Variants in MAPT observed in about 807,000 individuals in gnomAD.
MAPT encodes the protein microtubule-associated protein tau.
In MAPT, 34 loss-of-function variants were observed where a neutral mutation model predicts 67.9. The observed-to-expected ratio is 0.50, with a 90% CI of 0.38 to 0.67. MAPT has a LOEUF of 0.67. Ranked by LOEUF, MAPT falls within the 30% of genes least tolerant of loss-of-function variation. The pLI is 0.00. For missense variants in MAPT, 881 were observed against 1,115.2 expected (o/e 0.79, Z 2.99); for synonymous variants, 456 against 464.5 (o/e 0.98, Z 0.23).
rs372837174 is a variant in MAPT, at chr17:45,995,057, A to AC, written c.1733-1340dup. Among the ~76,000 whole-genome samples, 3 of 151,930 alleles carry AC rather than the reference A, an allele frequency of 2.0e-5. No individual in the cohort carries two copies. Among genetic ancestry groups the AC allele is most frequent in the African/African-American group, 4.8e-5 (2 of 41,366 alleles). On this transcript the variant is annotated intron_variant, in intron 8 of 12. Coordinates refer to ENST00000262410, the MANE Select transcript of MAPT (RefSeq NM_001377265.1). The surrounding 1 kb of genome is among the most constrained non-coding windows in gnomAD (Gnocchi z 4.3). Reference sequence around the variant, plus strand: ...AATAAGACTCCGTCTCAAAAAAAAAACCACAAAAAAACAAAACAACAACAA... The same window carrying AC: ...AATAAGACTCCGTCTCAAAAAAAAAACCCACAAAAAAACAAAACAACAACAA...
In MAPT at chr17:45,996,481, G is replaced by C; in HGVS notation, c.1815G>C (p.Pro605=). Residue 605 remains proline, a synonymous_variant, in exon 9 of 13, where the codon CCG becomes CCC. Transcript: ENST00000262410. The surrounding 1 kb of genome is among the most constrained non-coding windows in gnomAD (Gnocchi z 4.5). ...CTCCCGGCAGCCGCTCCCGCACCCC[G>C]TCCCTTCCAACCCCACCCACCCGGG... ...PGTPGSRSRT[P]SLPTPPTREP... 6.2e-7 allele frequency: 1 copy of C among 1,613,150 alleles called. No homozygotes were observed. The highest frequency in any genetic ancestry group is 8.5e-7 in the Non-Finnish European group (1 of 1,179,852).
chr17:45,984,746 C>T (rs2073370458), intron 5 of MAPT, among the ~76,000 whole-genome samples: 2 of 152,186 alleles, frequency 1.3e-5, no homozygotes. Flanking sequence ...CCCTCAGGAG[C>T]ACGACCACAG....
rs781152635 is a variant in MAPT at position 45,996,430 on chromosome 17, C to G, written c.1764C>G (p.Gly588=). 25 of 1,612,912 alleles carry G rather than the reference C, an allele frequency of 1.5e-5. No individual in the cohort carries two copies. Among genetic ancestry groups the G allele is most frequent in the Non-Finnish European group, 2.1e-5 (25 of 1,179,988 alleles). Residue 588 remains glycine, a synonymous_variant, in exon 9 of 13, where the codon GGC becomes GGG. Coordinates refer to ENST00000262410, the MANE Select transcript of MAPT (RefSeq NM_001377265.1). This position sits in a 1 kb window ranked among gnomAD's most constrained non-coding sequence, Gnocchi z 4.5. ...GEPPKSGDRS[G]YSSPGSPGTP... ...CTCCAAAATCAGGGGATCGCAGCGG[C>G]TACAGCAGCCCCGGCTCCCCAGGCA...
rs546210564 is a variant in MAPT, at chr17:45,927,772, G to C, written c.-18+33086G>C. 2.0e-5 allele frequency among the ~76,000 whole-genome samples: 3 copies of C among 152,092 alleles called. No individual in the cohort carries two copies. The South Asian group carries it at 6.2e-4, about 32-fold the overall frequency. On this transcript the variant is annotated intron_variant, in intron 1 of 12. Coordinates refer to ENST00000262410, the MANE Select transcript of MAPT (RefSeq NM_001377265.1). ...TTCCAGCACTTTGGGAGGCCAAGGT[G>C]GGTGGATCACAAGGTCAGGAGATCG...
At chr17:46,018,588 C>A in intron 11 of MAPT, 30 bp from the exon 12 acceptor site, 1 of 1,459,900 alleles carries the variant, frequency 6.8e-7, no homozygotes, top group Non-Finnish European at 9.6e-7. Context: ...AAGATGATGG[C>A]AAGATGCTCT....
Position 46,018,637 on chromosome 17 carries a change from A to G in MAPT, c.2193A>G (p.Val731=). The G allele has an allele frequency of 3.7e-6, 6 of 1,613,968 alleles. No homozygotes were observed. In the South Asian group the frequency reaches 6.6e-5, roughly 18 times the overall value. The change falls in exon 12 of 13, where the codon GTA becomes GTG. Residue 731 remains valine, a synonymous_variant. Transcript: ENST00000262410. ...TTCTAGGAGGTGGCCAGGTGGAAGT[A>G]AAATCTGAGAAGCTTGACTTCAAGG... ...HHKPGGGQVE[V]KSEKLDFKDR...
chr17:46,010,246 C>T lies in MAPT; in HGVS notation c.1999-64C>T. The T allele has an allele frequency of 8.8e-7, 1 of 1,133,732 alleles. No individual in the cohort carries two copies. Among genetic ancestry groups the T allele is most frequent in the Non-Finnish European group, 1.3e-6 (1 of 766,944 alleles). The allele number at this position is 1,133,732 out of a possible 1,614,324, so 70.2% of individuals were successfully genotyped here. ...TGTCACTCATCGAAAGTGGAGGCGT[C>T]CTTGCGAGCAAGCAGGCGGGTCCAG... On this transcript the variant is annotated intron_variant, in intron 9 of 12. Transcript: ENST00000262410. This position sits in a 1 kb window ranked among gnomAD's most constrained non-coding sequence, Gnocchi z 4.7.
At chr17:45,933,389 G>C (rs1016763520) in intron 1 of MAPT, among the ~76,000 whole-genome samples, 2 of 151,528 alleles carry the variant, frequency 1.3e-5, no homozygotes, top group African/African-American at 4.8e-5. Flanking sequence ...GGATTACAGG[G>C]CACCACACCA....
chr17:45,899,111 G>A (rs1359534214), intron 1 of MAPT, among the ~76,000 whole-genome samples: 1 of 152,176 alleles, frequency 6.6e-6, no homozygotes, highest in Non-Finnish European at 1.5e-5. Flanking sequence ...AGGGAGAGGA[G>A]TCCTCATGTT....
intron 8 of MAPT, chr17:45,993,949 AC>A (rs2074270490): frequency 1.3e-6 from 2 of 1,574,204 alleles, no homozygotes; most frequent in African/African-American, 1.4e-5. Flanking sequence ...AGAGAAGACC[AC>A]CCCCTGCAGG....
At chr17:45,904,592 C>T (rs112275277) in intron 1 of MAPT, among the ~76,000 whole-genome samples, 21,623 of 149,176 alleles carry the variant, frequency 0.14, 2,101 homozygotes, top group Non-Finnish European at 0.22. Context: ...CTTGGGAGGC[C>T]GAAGCAGGAG....
At chr17:45,978,470 T>C in intron 4 of MAPT, 30 bp downstream of exon 4, 1 of 1,572,916 alleles carries the variant, frequency 6.4e-7, no homozygotes, top group African/African-American at 1.3e-5. Flanking sequence ...CTGCCATGAC[T>C]TGGGGGTTGG....
At chr17:45,937,097 T>G (rs772711051) in intron 1 of MAPT, among the ~76,000 whole-genome samples, 1 of 152,126 alleles carries the variant, frequency 6.6e-6, no homozygotes, top group Non-Finnish European at 1.5e-5. Context: ...GTGGCGCACA[T>G]TTGAGGAGTC....
chr17:45,898,441 A>G (rs923961721), intron 1 of MAPT: 1 of 152,248 alleles, frequency 6.6e-6, no homozygotes, highest in Admixed American at 6.5e-5. Flanking sequence ...TGGCCTTTCT[A>G]TTAAACGTGC....
intron 1 of MAPT, among the ~76,000 whole-genome samples, chr17:45,956,590 ATATATATATATT>A (rs1352731029): frequency 3.0e-3 from 19 of 6,428 alleles, no homozygotes; most frequent in African/African-American, 6.8e-3. Context: ...ATATATATAT[ATATATATATATT>A]TTTTATTATT....
At chr17:46,020,733 T>A (rs2076479792) in intron 12 of MAPT, among the ~76,000 whole-genome samples, 1 of 152,140 alleles carries the variant, frequency 6.6e-6, no homozygotes, top group Admixed American at 6.5e-5. Flanking sequence ...ACTTATTCAC[T>A]ATCATGAGAA....
At chr17:46,001,904 C>G (rs2075034072) in intron 9 of MAPT, among the ~76,000 whole-genome samples, 1 of 152,126 alleles carries the variant, frequency 6.6e-6, no homozygotes, top group African/African-American at 2.4e-5. Flanking sequence ...CACAAGTCAG[C>G]AAGCCAGAGA....
At chr17:45,934,067 A>C (rs1342152764) in intron 1 of MAPT, among the ~76,000 whole-genome samples, 1 of 151,984 alleles carries the variant, frequency 6.6e-6, no homozygotes, top group Non-Finnish European at 1.5e-5. Context: ...TGTTTCTTTA[A>C]ATTATGGTCA....
intron 9 of MAPT, among the ~76,000 whole-genome samples, chr17:46,004,081 A>AG (rs1283134026): frequency 6.6e-6 from 1 of 152,168 alleles, no homozygotes; most frequent in African/African-American, 2.4e-5. Context: ...CTCCCAGCAG[A>AG]GTATTGCACT....
Sources: gnomAD v4.1 joint callset for allele counts (sites outside exome capture counted in the v4.1 genomes callset) on GRCh38, gnomAD v4.1.1 for gene constraint, Gnocchi (gnomAD v3.1) non-coding constraint, MANE v1.5 for transcripts, NCBI Gene and HGNC (gene_info 2026-07-23, HGNC 2026-07-21) for gene names.